The following SYNE2 variants were observed in gnomAD, a reference collection of about 807,000 sequenced individuals.
The protein encoded by SYNE2 is spectrin repeat containing nuclear envelope protein 2.
SYNE2 carries 431 observed loss-of-function variants against 856.3 expected under a neutral mutation model. That is an observed-to-expected ratio of 0.50 (90% confidence interval 0.47 to 0.55). SYNE2 has a LOEUF of 0.55. Ranked by LOEUF, SYNE2 falls within the 20% of genes least tolerant of loss-of-function variation. SYNE2 has a pLI of 0.00. For missense variants in SYNE2, 8,129 were observed against 8,023.2 expected (o/e 1.01, Z -0.50); for synonymous variants, 2,923 against 2,872.3 (o/e 1.02, Z -0.56).
At position 64,119,521 on chromosome 14, in the gene SYNE2, C is replaced by G; in HGVS notation, c.12935C>G (p.Ala4312Gly). The change falls in exon 67 of 116, where the codon GCT becomes GGT. Residue 4312 changes from alanine to glycine, a missense_variant. By Grantham distance (60) the Ala-to-Gly change is moderately conservative (BLOSUM62 0). Transcript: ENST00000555002. ...GATAATGGAGCCACTCAACATGAGG[C>G]TGAAGCGCTTTCCCTGAAACTGAAA... ...LGDNGATQHE[A>G]EALSLKLKTV... 6.2e-7 allele frequency: 1 copy of G among 1,614,178 alleles called. No homozygotes were observed. Among genetic ancestry groups the G allele is most frequent in the South Asian group, 1.1e-5 (1 of 91,084 alleles).
intron 1 of SYNE2, among the ~76,000 whole-genome samples, chr14:63,871,056 T>C (rs1896701277): frequency 6.6e-6 from 1 of 152,180 alleles, no homozygotes; most frequent in Non-Finnish European, 1.5e-5. Flanking sequence ...TAAGATTTGA[T>C]GGTTAAATAA....
chr14:64,073,811 C>G (rs1017594987), intron 52 of SYNE2, among the ~76,000 whole-genome samples, 157 bp from the exon 53 acceptor site: 8 of 152,192 alleles, frequency 5.3e-5, no homozygotes, highest in African/African-American at 1.9e-4. Flanking sequence ...ATATGTGGTA[C>G]ATCCATTATT....
chr14:63,918,174 TTAAAA>T (rs2095554414), intron 2 of SYNE2, among the ~76,000 whole-genome samples: 3 of 152,122 alleles, frequency 2.0e-5, no homozygotes, highest in Admixed American at 2.0e-4. Context: ...AAAACAAAAC[TTAAAA>T]TAACATCACC....
intron 95 of SYNE2, among the ~76,000 whole-genome samples, 192 bp downstream of exon 95, chr14:64,175,330 G>C (rs143493079): frequency 1.2e-3 from 185 of 152,234 alleles, no homozygotes; most frequent in African/African-American, 4.1e-3. Context: ...TCAATGTTTA[G>C]TATTTAAATA....
intron 1 of SYNE2, among the ~76,000 whole-genome samples, chr14:63,838,224 C>G (rs1381238869): frequency 6.6e-6 from 1 of 152,040 alleles, no homozygotes; most frequent in Non-Finnish European, 1.5e-5. Context: ...CAAAAATTAG[C>G]TGGGCATGGT....
intron 1 of SYNE2, among the ~76,000 whole-genome samples, chr14:63,825,782 G>C (rs889633217): frequency 3.9e-5 from 6 of 151,964 alleles, no homozygotes; most frequent in Non-Finnish European, 8.8e-5. Context: ...GCCTGAGGCA[G>C]GGAGAATTGC....
intron 57 of SYNE2, among the ~76,000 whole-genome samples, chr14:64,082,566 A>T (rs947576047): frequency 4.6e-5 from 7 of 152,134 alleles, no homozygotes; most frequent in Non-Finnish European, 1.0e-4. Context: ...CAGCAAGGAA[A>T]CAGGGAACCC....
At chr14:63,964,228 GT>G (rs1341441276) in intron 10 of SYNE2, among the ~76,000 whole-genome samples, 1 of 152,354 alleles carries the variant, frequency 6.6e-6, no homozygotes, top group Non-Finnish European at 1.5e-5. Context: ...CAGGGCCCAA[GT>G]TTTTGTGTTT....
rs1055999325 is a variant in SYNE2, at chr14:64,031,174, T to G, written c.7038T>G (p.Leu2346=). ...QCKQKDLENR[L]ASAKQEMECC... ...AACAAAAAGATTTGGAAAACAGGCT[T>G]GCATCTGCTAAGCAGGAGATGGAAT... Residue 2346 remains leucine, a synonymous_variant, in exon 45 of 116, where the codon CTT becomes CTG. Transcript: ENST00000555002. 1 of 1,614,064 alleles carries G rather than the reference T, an allele frequency of 6.2e-7. No individual in the cohort carries two copies. Among genetic ancestry groups the G allele is most frequent in the African/African-American group, 1.3e-5 (1 of 74,934 alleles).
intron 59 of SYNE2, 31 bp downstream of exon 59, chr14:64,089,727 C>A (rs1215635013): frequency 2.0e-6 from 3 of 1,464,310 alleles, no homozygotes; most frequent in South Asian, 1.2e-5. Context: ...AAAGTATTTT[C>A]TTATGATACT....
chr14:64,217,328 G>A (rs577169731), intron 108 of SYNE2, among the ~76,000 whole-genome samples: 16 of 152,284 alleles, frequency 1.1e-4, no homozygotes, highest in African/African-American at 3.9e-4. Context: ...TATAGCAATG[G>A]CTGTTTCTTC....
chr14:64,209,599 G>A (rs1256713826), intron 102 of SYNE2, 21 bp downstream of exon 102: 18 of 1,613,140 alleles, frequency 1.1e-5, no homozygotes, highest in African/African-American at 4.0e-5. Context: ...TCTCCATCCC[G>A]GTCTCCTGAT....
chr14:64,209,018 C>T (rs2098625133), intron 101 of SYNE2, 73 bp downstream of exon 101: 1 of 1,532,272 alleles, frequency 6.5e-7, no homozygotes, highest in South Asian at 1.2e-5. Context: ...ACCTCATTCA[C>T]AGTAACTATT....
At chr14:63,908,393 A>T (rs2095433783) in intron 1 of SYNE2, among the ~76,000 whole-genome samples, 1 of 152,168 alleles carries the variant, frequency 6.6e-6, no homozygotes, top group South Asian at 2.1e-4. Context: ...TCGGTGTTTT[A>T]TACTTATCCT....
chr14:63,887,149 C>T (rs1280255356), intron 1 of SYNE2, among the ~76,000 whole-genome samples: 1 of 151,930 alleles, frequency 6.6e-6, no homozygotes, highest in African/African-American at 2.4e-5. Flanking sequence ...GGCGTAGTGG[C>T]CTGTGCCTGT....
At chr14:63,978,772 A>G (rs2096564119) in intron 13 of SYNE2, 80 bp from the exon 14 acceptor site, 6 of 1,264,668 alleles carry the variant, frequency 4.7e-6, no homozygotes, top group Non-Finnish European at 6.7e-6. Flanking sequence ...AAGCCTCAAT[A>G]TTTTTTAAAA....
At chr14:64,089,763 A>T (rs2097593521) in intron 59 of SYNE2, 67 bp downstream of exon 59, 2 of 1,325,914 alleles carry the variant, frequency 1.5e-6, no homozygotes, top group Non-Finnish European at 2.1e-6. Context: ...AAAATATAAT[A>T]TAATGTGATT....
chr14:64,055,430 G>T (rs530309677), intron 48 of SYNE2, among the ~76,000 whole-genome samples: 4 of 147,848 alleles, frequency 2.7e-5, no homozygotes. Flanking sequence ...GTGCAGTGGC[G>T]CGATCTCGGC....
chr14:64,033,709 T>G (rs988677369), intron 45 of SYNE2, among the ~76,000 whole-genome samples: 4 of 151,996 alleles, frequency 2.6e-5, no homozygotes, highest in African/African-American at 9.7e-5. Context: ...AAAAAAGGTT[T>G]AAAAAATTTA....
Sources: allele counts gnomAD v4.1 joint callset (sites outside exome capture counted in the v4.1 genomes callset), GRCh38; gene constraint gnomAD v4.1.1; transcripts MANE v1.5; gene names NCBI Gene and HGNC (gene_info 2026-07-23, HGNC 2026-07-21).